Variants in MTMR7 observed in about 807,000 individuals in gnomAD.
The protein encoded by MTMR7 is phosphatidylinositol-3-phosphate phosphatase MTMR7.
Under a neutral mutation model 81.2 loss-of-function variants are expected in MTMR7, and 76 were observed. The ratio of observed to expected loss-of-function variants is 0.94; its 90% CI spans 0.78 to 1.13. The LOEUF is 1.13. MTMR7 is among the 50% of genes most tolerant of loss of function. MTMR7 has a pLI of 0.00. For synonymous variants in MTMR7, 372 were observed against 289.8 expected, an observed-to-expected ratio of 1.28 and a Z score of -2.88; for missense variants, 1,044 against 820.0, an observed-to-expected ratio of 1.27 and a Z score of -3.34.
chr8:17,382,500 G>T (rs569052302), intron 1 of MTMR7, among the ~76,000 whole-genome samples: 1 of 149,906 alleles, frequency 6.7e-6, no homozygotes, highest in Non-Finnish European at 1.5e-5. Flanking sequence ...TTGATGAAGC[G>T]TCTTGCTGTA....
At chr8:17,409,118 C>T (rs1048675534) in intron 1 of MTMR7, among the ~76,000 whole-genome samples, 2 of 152,096 alleles carry the variant, frequency 1.3e-5, no homozygotes, top group South Asian at 2.1e-4. Context: ...TTGTATACAA[C>T]TGTACAATGC....
rs1303579757 is a variant in MTMR7 at position 17,339,790 on chromosome 8, ACT to A, written c.732+1571_732+1572del. Reference sequence around the variant, plus strand: ...GAAGGAACAGCTGATTCATATGGTAACTCTATTTTTAACTAAATTTAAAGTCC... The same window carrying A: ...GAAGGAACAGCTGATTCATATGGTAACTATTTTTAACTAAATTTAAAGTCC... On this transcript the variant is annotated intron_variant, in intron 6 of 13. Transcript: ENST00000180173. 1.1e-4 allele frequency among the ~76,000 whole-genome samples: 16 copies of A among 152,174 alleles called. No homozygotes were observed. The East Asian group carries it at 2.9e-3, about 27-fold the overall frequency.
At chr8:17,385,613 G>A (rs6981949) in intron 1 of MTMR7, among the ~76,000 whole-genome samples, 1,639 of 152,166 alleles carry the variant, frequency 0.011, 20 homozygotes, top group African/African-American at 0.038. Context: ...TTACCCAATC[G>A]CGGGTATGTC....
At chr8:17,369,718 T>A (rs1229423949) in intron 3 of MTMR7, among the ~76,000 whole-genome samples, 1 of 144,790 alleles carries the variant, frequency 6.9e-6, no homozygotes, top group African/African-American at 2.5e-5. Context: ...AGATCTCAGC[T>A]CTCTGCAACC....
intron 1 of MTMR7, among the ~76,000 whole-genome samples, chr8:17,402,034 G>A (rs746637445): frequency 3.4e-4 from 51 of 152,174 alleles, no homozygotes; most frequent in African/African-American, 1.1e-3. Flanking sequence ...AAAGTAGTCT[G>A]ATATAAACAA....
chr8:17,385,229 G>C (rs1820893080), intron 1 of MTMR7, among the ~76,000 whole-genome samples: 1 of 152,116 alleles, frequency 6.6e-6, no homozygotes, highest in South Asian at 2.1e-4. Flanking sequence ...CCTGGTGGGA[G>C]GTGATTTGAT....
intron 1 of MTMR7, among the ~76,000 whole-genome samples, chr8:17,374,024 A>G (rs1820498038): frequency 6.6e-6 from 1 of 152,216 alleles, no homozygotes; most frequent in African/African-American, 2.4e-5. Context: ...CAGCCACCAT[A>G]ACCACCAGAG....
chr8:17,354,208 G>C (rs1228510781), intron 4 of MTMR7, among the ~76,000 whole-genome samples: 2 of 152,162 alleles, frequency 1.3e-5, no homozygotes, highest in African/African-American at 4.8e-5. Context: ...AGGAATTTAT[G>C]ATGAACAGGG....
At chr8:17,375,105 A>G (rs1820540440) in intron 1 of MTMR7, among the ~76,000 whole-genome samples, 1 of 152,122 alleles carries the variant, frequency 6.6e-6, no homozygotes. Flanking sequence ...TGAATAAATA[A>G]TAGGAGGTGT....
chr8:17,368,705 C>T (rs1820315552), intron 3 of MTMR7, among the ~76,000 whole-genome samples: 1 of 152,162 alleles, frequency 6.6e-6, no homozygotes, highest in South Asian at 2.1e-4. Flanking sequence ...CTGTGAACTG[C>T]TTGTGATCTG....
intron 13 of MTMR7, 94 bp from the exon 14 acceptor site, chr8:17,300,318 G>A: frequency 7.6e-6 from 10 of 1,311,740 alleles, no homozygotes; most frequent in Non-Finnish European, 1.0e-5. Context: ...CTCCCACGTG[G>A]GTATAATGTT....
chr8:17,299,483 A>G lies in MTMR7; in HGVS notation c.*379T>C, dbSNP rs1403528292. 1.7e-5 allele frequency: 3 copies of G among 179,136 alleles called. No individual in the cohort carries two copies. The highest frequency in any genetic ancestry group is 3.6e-5 in the Non-Finnish European group (3 of 83,570). The allele number at this position is 179,136 out of a possible 1,614,324, so 11.1% of individuals were successfully genotyped here. A position where few individuals can be genotyped will look rare whatever the true frequency, so the allele number is the denominator to read the frequency against. ...CAAAATATGCATCTAGAAGTGAACTAAAAGAATCATGATGATCACAGATGT... is the reference window on the plus strand; with the variant it reads ...CAAAATATGCATCTAGAAGTGAACTGAAAGAATCATGATGATCACAGATGT... On this transcript the variant is annotated 3_prime_UTR_variant, in exon 14 of 14. Transcript: ENST00000180173.
chr8:17,366,764 T>C (rs1321226959), intron 3 of MTMR7, among the ~76,000 whole-genome samples: 1 of 151,680 alleles, frequency 6.6e-6, no homozygotes, highest in Non-Finnish European at 1.5e-5. Flanking sequence ...CGGGTGCCTG[T>C]AGTCCCAGCT....
intron 7 of MTMR7, among the ~76,000 whole-genome samples, chr8:17,325,886 C>T (rs2150519568): frequency 6.6e-6 from 1 of 152,288 alleles, no homozygotes; most frequent in East Asian, 1.9e-4. Context: ...TACAGCCCAT[C>T]AACGTATCCA....
chr8:17,400,344 T>A (rs78720568), intron 1 of MTMR7, among the ~76,000 whole-genome samples: 5,801 of 152,234 alleles, frequency 0.038, 335 homozygotes, highest in African/African-American at 0.12. Context: ...AAACTAAAGT[T>A]AAATAAGTTA....
intron 2 of MTMR7, 25 bp downstream of exon 2, chr8:17,373,093 A>C: frequency 6.2e-7 from 1 of 1,609,510 alleles, no homozygotes; most frequent in South Asian, 1.1e-5. Flanking sequence ...CAAAACAAGG[A>C]AAGCTAAAAA....
intron 7 of MTMR7, among the ~76,000 whole-genome samples, chr8:17,316,965 G>T (rs1041540152): frequency 6.6e-6 from 1 of 152,182 alleles, no homozygotes; most frequent in African/African-American, 2.4e-5. Context: ...GCTCTCACCA[G>T]TAGGTTGGGA....
intron 13 of MTMR7, among the ~76,000 whole-genome samples, chr8:17,300,513 C>A (rs1259876552): frequency 1.3e-5 from 2 of 152,120 alleles, no homozygotes; most frequent in Non-Finnish European, 2.9e-5. Flanking sequence ...CTTTTCTATA[C>A]CTACATGGTT....
chr8:17,325,232 G>A (rs755499397), intron 7 of MTMR7, among the ~76,000 whole-genome samples: 2 of 152,054 alleles, frequency 1.3e-5, no homozygotes, highest in African/African-American at 2.4e-5. Context: ...AAGGCACCTT[G>A]GCAGGGAGAC....
Sources: allele counts gnomAD v4.1 joint callset (sites outside exome capture counted in the v4.1 genomes callset), GRCh38; gene constraint gnomAD v4.1.1; transcripts MANE v1.5; gene names NCBI Gene and HGNC (gene_info 2026-07-23, HGNC 2026-07-21).